Variants in DGKB observed in about 807,000 individuals in gnomAD.
DGKB encodes the protein diacylglycerol kinase beta.
DGKB carries 67 observed loss-of-function variants against 114.3 expected under a neutral mutation model. That is an observed-to-expected ratio of 0.59 (90% CI 0.48 to 0.72). The LOEUF is 0.72. Among genes scored for constraint, DGKB ranks in the 30% least tolerant of loss-of-function variants. The pLI, the probability that DGKB is intolerant of heterozygous loss-of-function variation, is 0.00. For missense variants in DGKB, 907 were observed against 975.2 expected, an observed-to-expected ratio of 0.93 and a Z score of 0.93; for synonymous variants, 398 against 323.1, an observed-to-expected ratio of 1.23 and a Z score of -2.49.
chr7:14,356,448 G>T (rs1010972964), intron 21 of DGKB, among the ~76,000 whole-genome samples: 4 of 137,028 alleles, frequency 2.9e-5, no homozygotes, highest in African/African-American at 1.1e-4. Flanking sequence ...TGCAAGCTCC[G>T]CCTTCCGGGT....
At chr7:14,159,921 C>T (rs1026102212) in intron 25 of DGKB, among the ~76,000 whole-genome samples, 26 of 152,114 alleles carry the variant, frequency 1.7e-4, no homozygotes, top group African/African-American at 6.3e-4. Context: ...ATCTGCCTGC[C>T]CTCGGCCTCT....
At chr7:14,728,798 G>C (rs966616871) in intron 5 of DGKB, among the ~76,000 whole-genome samples, 1 of 151,310 alleles carries the variant, frequency 6.6e-6, no homozygotes, top group Non-Finnish European at 1.5e-5. Flanking sequence ...TGCCTCCCAG[G>C]CTCAAGCAAT....
chr7:14,237,814 TA>T (rs1793037341), intron 23 of DGKB, among the ~76,000 whole-genome samples: 1 of 151,914 alleles, frequency 6.6e-6, no homozygotes, highest in African/African-American at 2.4e-5. Context: ...GTTTGTTTTT[TA>T]TTTTTCTTGA....
intron 23 of DGKB, among the ~76,000 whole-genome samples, chr7:14,186,835 A>G (rs1489335068): frequency 6.6e-6 from 1 of 152,148 alleles, no homozygotes; most frequent in Non-Finnish European, 1.5e-5. Flanking sequence ...GCAAAGGCAT[A>G]AGGATGATAC....
At chr7:14,279,301 G>C (rs1014350984) in intron 23 of DGKB, among the ~76,000 whole-genome samples, 2 of 152,176 alleles carry the variant, frequency 1.3e-5, no homozygotes, top group Non-Finnish European at 2.9e-5. Context: ...AGCCAGGCGG[G>C]GGGAGGGGCG....
At chr7:14,376,586 G>A (rs1818515916) in intron 21 of DGKB, among the ~76,000 whole-genome samples, 2 of 152,032 alleles carry the variant, frequency 1.3e-5, no homozygotes, top group Non-Finnish European at 2.9e-5. Flanking sequence ...TTATAGCAGA[G>A]ATGACATTGA....
At chr7:14,593,910 C>T (rs1242431552) in intron 17 of DGKB, among the ~76,000 whole-genome samples, 4 of 151,686 alleles carry the variant, frequency 2.6e-5, no homozygotes, top group Admixed American at 6.6e-5. Flanking sequence ...GAAGTCCTTT[C>T]GGTTTTGACC....
chr7:14,828,574 T>C (rs1229978022), intron 2 of DGKB, among the ~76,000 whole-genome samples: 1 of 151,972 alleles, frequency 6.6e-6, no homozygotes, highest in Non-Finnish European at 1.5e-5. Context: ...TGAGAGAGTA[T>C]TTAGTACATA....
chr7:14,544,846 T>C (rs989258537), intron 20 of DGKB, among the ~76,000 whole-genome samples: 1 of 151,884 alleles, frequency 6.6e-6, no homozygotes, highest in African/African-American at 2.4e-5. Flanking sequence ...TCCAGGCCCA[T>C]CACACTGTGT....
chr7:14,590,157 TA>T (rs398111084), intron 17 of DGKB, among the ~76,000 whole-genome samples: 11 of 32,408 alleles, frequency 3.4e-4, no homozygotes, highest in African/African-American at 1.2e-3. Context: ...ACTTAAAGTA[TA>T]ATAATAAAAA....
intron 23 of DGKB, among the ~76,000 whole-genome samples, chr7:14,233,559 A>C (rs1433453938): frequency 2.0e-5 from 3 of 152,060 alleles, no homozygotes; most frequent in African/African-American, 7.2e-5. Flanking sequence ...CTGTGAAGTG[A>C]ATCATTGAAG....
At chr7:14,602,334 T>C (rs1286074246) in intron 17 of DGKB, among the ~76,000 whole-genome samples, 1 of 152,154 alleles carries the variant, frequency 6.6e-6, no homozygotes, top group Non-Finnish European at 1.5e-5. Flanking sequence ...TTTGAGACTA[T>C]TGGGATGGAA....
chr7:14,300,784 C>T (rs1336355169), intron 23 of DGKB, among the ~76,000 whole-genome samples: 1 of 151,976 alleles, frequency 6.6e-6, no homozygotes, highest in Admixed American at 6.6e-5. Flanking sequence ...TTTTCCATTT[C>T]CTGGTTTTGA....
intron 25 of DGKB, among the ~76,000 whole-genome samples, chr7:14,175,010 C>A (rs1388587227): frequency 6.6e-6 from 1 of 152,134 alleles, no homozygotes; most frequent in African/African-American, 2.4e-5. Flanking sequence ...ACGTTTGAGC[C>A]AGTAGTTTCA....
At chr7:14,475,039 A>G (rs1444908366) in intron 21 of DGKB, among the ~76,000 whole-genome samples, 1 of 152,116 alleles carries the variant, frequency 6.6e-6, no homozygotes, top group Non-Finnish European at 1.5e-5. Context: ...TGTTCTTTCA[A>G]TTTCTGTCAT....
At chr7:14,255,931 C>T (rs904147681) in intron 23 of DGKB, among the ~76,000 whole-genome samples, 4 of 140,262 alleles carry the variant, frequency 2.9e-5, no homozygotes, top group Non-Finnish European at 4.9e-5. Context: ...ACACAGTGCA[C>T]ATATTTCTGT....
intron 23 of DGKB, among the ~76,000 whole-genome samples, chr7:14,182,014 C>G (rs920037706): frequency 6.6e-6 from 1 of 152,078 alleles, no homozygotes; most frequent in Non-Finnish European, 1.5e-5. Context: ...AGGAAAAATG[C>G]AACTTTATTT....
chr7:14,496,280 A>G (rs1785294895), intron 20 of DGKB, among the ~76,000 whole-genome samples: 1 of 151,706 alleles, frequency 6.6e-6, no homozygotes, highest in South Asian at 2.1e-4. Context: ...GCCTGAAGCA[A>G]TTTGTTCTTG....
rs960928671 is a variant in DGKB at position 14,188,387 on chromosome 7, G to A, written c.2123-10236C>T. Among the ~76,000 whole-genome samples, 16 of 120,688 alleles carry A rather than the reference G, an allele frequency of 1.3e-4. 1 individual carries two copies. The South Asian group carries it at 2.1e-3, about 16-fold the overall frequency. The allele number at this position is 120,688 out of a possible 152,430, so 79.2% of individuals were successfully genotyped here. On this transcript the variant is annotated intron_variant, in intron 23 of 25. Coordinates refer to ENST00000402815, the MANE Select transcript of DGKB (RefSeq NM_001350709.2). ...TTAAAAGATCCCCAATTGGCCGGGC[G>A]CGGTGGCTCACGCCTGTAATCCCAG...
Sources: gnomAD v4.1 joint callset for allele counts (sites outside exome capture counted in the v4.1 genomes callset) on GRCh38, gnomAD v4.1.1 for gene constraint, MANE v1.5 for transcripts, NCBI Gene and HGNC (gene_info 2026-07-23, HGNC 2026-07-21) for gene names.